Variants in RBM6 observed in about 807,000 individuals in gnomAD.
The protein encoded by RBM6 is RNA-binding protein 6.
A neutral mutation model predicts 140.4 loss-of-function variants in RBM6; 23 were observed. The observed-to-expected ratio is 0.16, with a 90% CI of 0.12 to 0.23. The LOEUF (loss-of-function observed/expected upper bound fraction) is 0.23, where lower values mean the gene tolerates loss of function less well. Among genes scored for constraint, RBM6 ranks in the 10% least tolerant of loss-of-function variants. RBM6 has a pLI of 1.00. For synonymous variants in RBM6, 439 were observed against 475.6 expected, an observed-to-expected ratio of 0.92 and a Z score of 1.00; for missense variants, 1,139 against 1,386.7, an observed-to-expected ratio of 0.82 and a Z score of 2.84.
At chr3:50,026,847 A>G (rs892146527) in intron 6 of RBM6, among the ~76,000 whole-genome samples, 4 of 149,182 alleles carry the variant, frequency 2.7e-5, no homozygotes, top group African/African-American at 1.0e-4. Context: ...GGCAGTGAGC[A>G]GAGATCGCAC....
chr3:49,950,282 C>T (rs571748527), intron 1 of RBM6, among the ~76,000 whole-genome samples: 1 of 152,138 alleles, frequency 6.6e-6, no homozygotes, highest in African/African-American at 2.4e-5. Context: ...TGCTGCATAC[C>T]ACAGCTAAAA....
At chr3:49,951,458 G>A (rs896685411) in intron 1 of RBM6, among the ~76,000 whole-genome samples, 4 of 151,890 alleles carry the variant, frequency 2.6e-5, no homozygotes, top group Non-Finnish European at 5.9e-5. Flanking sequence ...GAACTCCTGA[G>A]CTCAAGCATC....
chr3:50,038,570 G>A (rs1426597042), intron 6 of RBM6, among the ~76,000 whole-genome samples: 6 of 152,088 alleles, frequency 3.9e-5, no homozygotes, highest in Admixed American at 3.3e-4. Flanking sequence ...AGGGGCTCAC[G>A]CCTGTAATCC....
chr3:49,975,357 C>T lies in RBM6; in HGVS notation c.1448C>T (p.Pro483Leu), dbSNP rs764824302. ...LNAFRTPDGM[P>L]VKNLQLKEYN... ...GCTTTTCGGACTCCTGATGGCATGCCTGTAAAGAACTTGCAGTTGAAGGAG... is the reference window on the plus strand; with the variant it reads ...GCTTTTCGGACTCCTGATGGCATGCTTGTAAAGAACTTGCAGTTGAAGGAG... Residue 483 changes from proline to leucine, a missense_variant, in exon 5 of 21, where the codon CCT becomes CTT. By Grantham distance (98) the Pro-to-Leu change is moderately conservative (BLOSUM62 -3). Transcript: ENST00000266022. 16 of 1,613,870 alleles carry T rather than the reference C, an allele frequency of 9.9e-6. No individual in the cohort carries two copies. The Admixed American group carries it at 2.5e-4, about 25-fold the overall frequency.
chr3:50,040,005 C>T (rs1326112482), intron 6 of RBM6, among the ~76,000 whole-genome samples: 1 of 152,138 alleles, frequency 6.6e-6, no homozygotes, highest in Non-Finnish European at 1.5e-5. Flanking sequence ...ATGGAATTAC[C>T]TCCAAGACTA....
rs530299390 is a variant in RBM6 at position 50,047,325 on chromosome 3, C to T, written c.1558-920C>T. 27 of 985,384 alleles carry T rather than the reference C, an allele frequency of 2.7e-5. No homozygotes were observed. The South Asian group carries it at 8.5e-4, about 31-fold the overall frequency. The allele number at this position is 985,384 out of a possible 1,614,324, so 61.0% of individuals were successfully genotyped here. A position where few individuals can be genotyped will look rare whatever the true frequency, so the allele number is the denominator to read the frequency against. On this transcript the variant is annotated intron_variant, in intron 6 of 20. Coordinates refer to ENST00000266022, the MANE Select transcript of RBM6 (RefSeq NM_005777.3). The stretch of plus-strand genomic sequence containing the variant: ...GGGGCTAGTTCCAGAGTCGCATTCT[C>T]GGTTAGTTCACTTTCAAGTGTGGGT...
chr3:50,024,970 G>T (rs140675094), intron 6 of RBM6, among the ~76,000 whole-genome samples: 1 of 149,790 alleles, frequency 6.7e-6, no homozygotes, highest in Non-Finnish European at 1.5e-5. Flanking sequence ...CAGCCTGGGC[G>T]ACAGAGCAAG....
chr3:50,037,775 A>T (rs1389248724), intron 6 of RBM6, among the ~76,000 whole-genome samples: 2 of 148,834 alleles, frequency 1.3e-5, no homozygotes, highest in Non-Finnish European at 3.0e-5. Context: ...AAGTGTAGGG[A>T]TTATAGACAT....
At chr3:50,071,569 G>A (rs1364024525) in intron 19 of RBM6, among the ~76,000 whole-genome samples, 1 of 152,186 alleles carries the variant, frequency 6.6e-6, no homozygotes, top group South Asian at 2.1e-4. Context: ...TGAGGAAGGA[G>A]GATCTCTTGA....
At chr3:49,941,679 A>G (rs2083289485) in intron 1 of RBM6, among the ~76,000 whole-genome samples, 1 of 148,086 alleles carries the variant, frequency 6.8e-6, no homozygotes, top group African/African-American at 2.6e-5. Flanking sequence ...AACCCGCAAA[A>G]CTCAACAAAA....
intron 5 of RBM6, among the ~76,000 whole-genome samples, chr3:49,994,848 A>T (rs912616473): frequency 7.2e-5 from 11 of 152,152 alleles, no homozygotes; most frequent in African/African-American, 2.7e-4. Flanking sequence ...TTTCAATGTC[A>T]ACCAATACTC....
At chr3:49,975,246 A>G (rs2085010720) in intron 4 of RBM6, 77 bp from the exon 5 acceptor site, 2 of 1,279,770 alleles carry the variant, frequency 1.6e-6, no homozygotes, top group Non-Finnish European at 2.3e-6. Context: ...ATGTATGATA[A>G]AAACTGTTAG....
chr3:50,053,588 A>T (rs1203227782), intron 7 of RBM6, among the ~76,000 whole-genome samples: 2 of 151,766 alleles, frequency 1.3e-5, no homozygotes, highest in Admixed American at 1.3e-4. Flanking sequence ...TTTTCTCCTC[A>T]ACTCCATCTG....
At chr3:49,979,539 A>G (rs1421250411) in intron 5 of RBM6, among the ~76,000 whole-genome samples, 1 of 149,788 alleles carries the variant, frequency 6.7e-6, no homozygotes, top group Non-Finnish European at 1.5e-5. Flanking sequence ...TCCCGGGTTC[A>G]AACGATTCTC....
At chr3:50,012,541 T>C (rs1418413880) in intron 6 of RBM6, among the ~76,000 whole-genome samples, 13 of 151,114 alleles carry the variant, frequency 8.6e-5, no homozygotes, top group Admixed American at 8.6e-4. Context: ...GTATTTGTAG[T>C]AGAGACGGGG....
At chr3:49,983,067 A>C (rs2085386213) in intron 5 of RBM6, among the ~76,000 whole-genome samples, 1 of 151,796 alleles carries the variant, frequency 6.6e-6, no homozygotes, top group Middle Eastern at 3.2e-3. Flanking sequence ...CTGGTCTTAC[A>C]CTCCAAGGCT....
chr3:50,059,493 T>C lies in RBM6; in HGVS notation c.2131-156T>C, dbSNP rs1488907988. The C allele has an allele frequency of 1.1e-5, 6 of 560,166 alleles. No individual in the cohort carries two copies. In the Admixed American group the frequency reaches 1.8e-4, roughly 16 times the overall value. 34.7% of individuals were successfully genotyped at this position (560,166 alleles called of 1,614,324 possible). On this transcript the variant is annotated intron_variant, in intron 10 of 20. Coordinates refer to ENST00000266022, the MANE Select transcript of RBM6 (RefSeq NM_005777.3). ...ATTAAAAGTTGCCTGTTTCTGCCAG[T>C]ATGCTCTTACTGTTAAAATTTTGAC...
intron 15 of RBM6, among the ~76,000 whole-genome samples, chr3:50,063,061 T>A (rs1171570312): frequency 1.3e-5 from 2 of 151,962 alleles, no homozygotes; most frequent in African/African-American, 4.8e-5. Flanking sequence ...GACCAGCTAA[T>A]TTTTGCTTTT....
intron 1 of RBM6, among the ~76,000 whole-genome samples, chr3:49,943,514 GTC>G (rs953323706): frequency 1.3e-5 from 2 of 152,070 alleles, no homozygotes; most frequent in African/African-American, 4.8e-5. Flanking sequence ...TTGCCTTGTT[GTC>G]TAGGGTGGTC....
Sources: gnomAD v4.1 joint callset for allele counts (sites outside exome capture counted in the v4.1 genomes callset) on GRCh38, gnomAD v4.1.1 for gene constraint, MANE v1.5 for transcripts, NCBI Gene and HGNC (gene_info 2026-07-23, HGNC 2026-07-21) for gene names.